The following ELOVL6 variants were observed in gnomAD, a reference collection of about 807,000 sequenced individuals.
ELOVL6 encodes very long chain fatty acid elongase 6.
A neutral mutation model predicts 31.7 loss-of-function variants in ELOVL6; 8 were observed. That is an observed-to-expected ratio of 0.25 (90% CI 0.15 to 0.45). The LOEUF is 0.45. Among genes scored for constraint, ELOVL6 ranks in the 20% least tolerant of loss-of-function variants. ELOVL6 has a pLI of 1.00. For missense variants in ELOVL6, 126 were observed against 326.4 expected, an observed-to-expected ratio of 0.39 and a Z score of 4.73; for synonymous variants, 101 against 117.7, an observed-to-expected ratio of 0.86 and a Z score of 0.92.
chr4:110,113,976 C>T lies in ELOVL6; in HGVS notation c.90-8348G>A, dbSNP rs1453437380. Among the ~76,000 whole-genome samples, 9 of 152,254 alleles carry T rather than the reference C, an allele frequency of 5.9e-5. No individual in the cohort carries two copies. In the East Asian group the frequency reaches 1.7e-3, roughly 29 times the overall value. On this transcript the variant is annotated intron_variant, in intron 1 of 3. Coordinates refer to ENST00000302274, the MANE Select transcript of ELOVL6 (RefSeq NM_024090.3). ...CAAAATATAATAATGATGAGCCAGG[C>T]ATGATGGCATGCACCTGTAGTCCCA... is the stretch of plus-strand genomic sequence containing the variant.
intron 2 of ELOVL6, among the ~76,000 whole-genome samples, chr4:110,080,885 T>A (rs576055278): frequency 2.0e-5 from 3 of 152,096 alleles, no homozygotes; most frequent in Non-Finnish European, 4.4e-5. Context: ...ATAGGCAACT[T>A]CAGCAAAGTC....
chr4:110,110,362 A>AT (rs988236063), intron 1 of ELOVL6, among the ~76,000 whole-genome samples: 5 of 107,742 alleles, frequency 4.6e-5, no homozygotes, highest in South Asian at 3.1e-4. Flanking sequence ...TCATATAGGC[A>AT]TTTTTTTTAC....
In ELOVL6 at chr4:110,059,747, C is replaced by T; in HGVS notation, c.229G>A (p.Gly77Ser). Residue 77 changes from glycine (G) to serine (S), a missense_variant, in exon 3 of 4, where the codon GGT becomes AGT. Coordinates refer to ENST00000302274, the MANE Select transcript of ELOVL6 (RefSeq NM_024090.3). ...SLTLAVFSIF[G>S]ALRTGAYMVY... ...ATATAAGCACCAGTTCGAAGAGCAC[C>T]GAATATACTTCATAATGAAAAGAGA... The T allele has an allele frequency of 6.2e-7, 1 of 1,606,804 alleles. No individual in the cohort carries two copies. The highest frequency in any genetic ancestry group is 8.5e-7 in the Non-Finnish European group (1 of 1,177,292).
chr4:110,123,972 TA>T lies in ELOVL6; in HGVS notation c.90-18345del, dbSNP rs1156796067. Among the ~76,000 whole-genome samples, 11 of 152,302 alleles carry T rather than the reference TA, an allele frequency of 7.2e-5. No individual in the cohort carries two copies. The South Asian group carries it at 2.3e-3, about 32-fold the overall frequency. ...TTTTATCAATAACTAAAATCTTCTT[TA>T]AAAGGTAACTATAAATCTTAGTTAC... On this transcript the variant is annotated intron_variant, in intron 1 of 3. Coordinates refer to ENST00000302274, the MANE Select transcript of ELOVL6 (RefSeq NM_024090.3).
In ELOVL6 at chr4:110,104,109, C is replaced by T. The variant is rs572923837; in HGVS notation, c.221+1388G>A. ...GGGGAGTCATTGTACTTTTTTTCTCCGCTTACAAGTGTTAAAATTTAAAAT... is the reference window on the plus strand; with the variant it reads ...GGGGAGTCATTGTACTTTTTTTCTCTGCTTACAAGTGTTAAAATTTAAAAT... On this transcript the variant is annotated intron_variant, in intron 2 of 3. Transcript: ENST00000302274. 3.9e-4 allele frequency among the ~76,000 whole-genome samples: 60 copies of T among 152,070 alleles called. 1 individual carries two copies. The highest frequency in any genetic ancestry group is 1.3e-3 in the African/African-American group (55 of 41,518).
chr4:110,098,543 G>A (rs1756655562), intron 2 of ELOVL6, among the ~76,000 whole-genome samples: 1 of 151,992 alleles, frequency 6.6e-6, no homozygotes, highest in Non-Finnish European at 1.5e-5. Context: ...GCCCCCTTTG[G>A]ACTCTCTCTG....
intron 3 of ELOVL6, among the ~76,000 whole-genome samples, chr4:110,057,101 A>C (rs922914625): frequency 9.2e-5 from 14 of 152,202 alleles, no homozygotes; most frequent in Non-Finnish European, 1.6e-4. Flanking sequence ...CATTTCAATA[A>C]ATTATTCCTC....
intron 1 of ELOVL6, among the ~76,000 whole-genome samples, chr4:110,183,853 A>G (rs540108400): frequency 2.0e-5 from 3 of 152,262 alleles, no homozygotes; most frequent in African/African-American, 7.2e-5. Context: ...GTGGTGGTGT[A>G]TGCCTGTGGT....
chr4:110,185,831 T>C (rs963712674), intron 1 of ELOVL6, among the ~76,000 whole-genome samples: 3 of 152,046 alleles, frequency 2.0e-5, no homozygotes, highest in Non-Finnish European at 4.4e-5. Context: ...ACTCCATGTA[T>C]AATGGACTGA....
chr4:110,141,126 C>A (rs557877596), intron 1 of ELOVL6, among the ~76,000 whole-genome samples: 1 of 152,054 alleles, frequency 6.6e-6, no homozygotes, highest in Non-Finnish European at 1.5e-5. Context: ...TGCAATGGCA[C>A]GATCTCAGCT....
rs1470465145 is a variant in ELOVL6 at position 110,193,074 on chromosome 4, G to C, written c.89+5173C>G. On this transcript the variant is annotated intron_variant, in intron 1 of 3. Transcript: ENST00000302274. Reference sequence around the variant, plus strand: ...AATGAATGTAGAAGGTTGCAAGGAAGACTTCAGGAAGCAATTCAAAGCAAT... The same window carrying C: ...AATGAATGTAGAAGGTTGCAAGGAACACTTCAGGAAGCAATTCAAAGCAAT... Among the ~76,000 whole-genome samples, 5 of 152,178 alleles carry C rather than the reference G, an allele frequency of 3.3e-5. No homozygotes were observed. The East Asian group carries it at 9.6e-4, about 29-fold the overall frequency.
intron 2 of ELOVL6, among the ~76,000 whole-genome samples, chr4:110,089,717 G>A (rs1465062677): frequency 6.6e-6 from 1 of 152,152 alleles, no homozygotes; most frequent in African/African-American, 2.4e-5. Flanking sequence ...ATGGGTAGAT[G>A]GGCCAACTTT....
chr4:110,090,441 C>A (rs1288750197), intron 2 of ELOVL6, among the ~76,000 whole-genome samples: 1 of 152,004 alleles, frequency 6.6e-6, no homozygotes, highest in African/African-American at 2.4e-5. Context: ...TCCTCAATAG[C>A]ATTGTATATG....
chr4:110,160,657 C>T (rs1005839817), intron 1 of ELOVL6, among the ~76,000 whole-genome samples: 1 of 152,148 alleles, frequency 6.6e-6, no homozygotes, highest in Non-Finnish European at 1.5e-5. Flanking sequence ...TAAAAATATG[C>T]ATGTTGCCCA....
chr4:110,166,897 G>T (rs934033939), intron 1 of ELOVL6, among the ~76,000 whole-genome samples: 2 of 152,112 alleles, frequency 1.3e-5, no homozygotes, highest in African/African-American at 2.4e-5. Context: ...TGGAATATTT[G>T]TTCTTTTTCT....
At chr4:110,170,699 T>G (rs917940387) in intron 1 of ELOVL6, among the ~76,000 whole-genome samples, 3 of 152,190 alleles carry the variant, frequency 2.0e-5, no homozygotes, top group Non-Finnish European at 2.9e-5. Flanking sequence ...TGATTTGCCT[T>G]AGAAAAACAC....
chr4:110,134,529 A>G (rs1371316949), intron 1 of ELOVL6, among the ~76,000 whole-genome samples: 1 of 152,192 alleles, frequency 6.6e-6, no homozygotes, highest in African/African-American at 2.4e-5. Context: ...CTGGGGGGAC[A>G]TGTATTGTGG....
intron 2 of ELOVL6, among the ~76,000 whole-genome samples, chr4:110,084,580 ATATATATATT>A (rs1560815894): frequency 8.5e-4 from 47 of 55,290 alleles, no homozygotes; most frequent in Non-Finnish European, 1.2e-3. Flanking sequence ...ATATATATAT[ATATATATATT>A]TTTTTTTTTT....
At chr4:110,175,119 C>CA (rs1327114768) in intron 1 of ELOVL6, among the ~76,000 whole-genome samples, 1 of 152,074 alleles carries the variant, frequency 6.6e-6, no homozygotes, top group Non-Finnish European at 1.5e-5. Context: ...CACAGTGGCT[C>CA]ATGCCTGTAA....
Sources: allele counts gnomAD v4.1 joint callset (sites outside exome capture counted in the v4.1 genomes callset), GRCh38; gene constraint gnomAD v4.1.1; transcripts MANE v1.5; gene names NCBI Gene and HGNC (gene_info 2026-07-23, HGNC 2026-07-21).